The following EYA4 variants were observed in gnomAD, a reference collection of about 807,000 sequenced individuals.
The protein encoded by EYA4 is protein phosphatase EYA4.
Under a neutral mutation model 87.9 loss-of-function variants are expected in EYA4, and 31 were observed. The observed-to-expected ratio is 0.35, with a 90% CI of 0.27 to 0.48. The LOEUF is 0.48. EYA4 is among the 20% of genes least tolerant of loss of function. EYA4 has a pLI of 0.99. For missense variants in EYA4, 678 were observed against 761.4 expected (o/e 0.89, Z 1.29); for synonymous variants, 263 against 270.6 (o/e 0.97, Z 0.28).
chr6:133,386,916 G>A (rs930988578), intron 3 of EYA4, among the ~76,000 whole-genome samples: 4 of 152,190 alleles, frequency 2.6e-5, no homozygotes, highest in African/African-American at 9.7e-5. Flanking sequence ...TCTCCACTTC[G>A]TAAGTTAAAG....
chr6:133,246,266 A>T (rs75233597), intron 1 of EYA4, among the ~76,000 whole-genome samples: 1 of 152,160 alleles, frequency 6.6e-6, no homozygotes, highest in Non-Finnish European at 1.5e-5. Flanking sequence ...TGCATGGATG[A>T]TGAAGAAAGA....
chr6:133,275,064 T>C (rs868842737), intron 2 of EYA4, among the ~76,000 whole-genome samples: 2 of 152,148 alleles, frequency 1.3e-5, no homozygotes, highest in Non-Finnish European at 2.9e-5. Context: ...ACTAAGGCAT[T>C]GAAATCATGA....
rs140616062 is a variant in EYA4, at chr6:133,497,605, A to C, written c.1192-8501A>C. Reference sequence around the variant, plus strand: ...GCAAAACTCTAAAATAGGAGCTTGTAAATTCGACAGGATGTAGACCAGGAA... The same window carrying C: ...GCAAAACTCTAAAATAGGAGCTTGTCAATTCGACAGGATGTAGACCAGGAA... On this transcript the variant is annotated intron_variant, in intron 13 of 19. Coordinates refer to ENST00000355286, the MANE Select transcript of EYA4 (RefSeq NM_004100.5). Among the ~76,000 whole-genome samples the C allele has an allele frequency of 2.8e-3, 433 of 152,276 alleles. 11 individuals carry two copies. Among genetic ancestry groups the C allele is most frequent in the East Asian group, 6.4e-3 (33 of 5,170 alleles).
intron 2 of EYA4, among the ~76,000 whole-genome samples, chr6:133,298,695 T>C (rs773972274): frequency 1.3e-5 from 2 of 152,158 alleles, no homozygotes; most frequent in South Asian, 4.1e-4. Context: ...GAGAAATAAG[T>C]GTGTGGATTT....
intron 2 of EYA4, among the ~76,000 whole-genome samples, chr6:133,356,531 T>G (rs1784046218): frequency 6.6e-6 from 1 of 152,174 alleles, no homozygotes; most frequent in Non-Finnish European, 1.5e-5. Context: ...ACTATTGTTA[T>G]GAAAGTTATG....
chr6:133,319,142 A>T (rs187883587), intron 2 of EYA4, among the ~76,000 whole-genome samples: 11 of 152,252 alleles, frequency 7.2e-5, no homozygotes, highest in Admixed American at 5.2e-4. Context: ...CAGATTTTAG[A>T]CCTCATAAAA....
chr6:133,340,510 A>T (rs565593307), intron 2 of EYA4, among the ~76,000 whole-genome samples: 1 of 152,320 alleles, frequency 6.6e-6, no homozygotes, highest in South Asian at 2.1e-4. Context: ...AGGGTAGGTG[A>T]GCCCCATTGA....
chr6:133,303,534 G>C (rs1336260329), intron 2 of EYA4, among the ~76,000 whole-genome samples: 1 of 152,082 alleles, frequency 6.6e-6, no homozygotes, highest in African/African-American at 2.4e-5. Context: ...GACTGTGACT[G>C]GGCTCCTTTC....
chr6:133,412,912 G>A (rs1055255463), intron 3 of EYA4, among the ~76,000 whole-genome samples: 1 of 152,152 alleles, frequency 6.6e-6, no homozygotes, highest in Non-Finnish European at 1.5e-5. Context: ...GCAGCTGGAT[G>A]TGGTAAGGAC....
At chr6:133,366,628 A>T (rs9493611) in intron 2 of EYA4, among the ~76,000 whole-genome samples, 27,160 of 152,240 alleles carry the variant, frequency 0.18, 2,784 homozygotes, top group South Asian at 0.32. Flanking sequence ...AGCAAATGGC[A>T]AATGAAATGA....
At chr6:133,524,881 A>G (rs1488935715) in intron 18 of EYA4, 2 of 796,572 alleles carry the variant, frequency 2.5e-6, no homozygotes, top group African/African-American at 3.4e-5. Context: ...TTATTCAAAT[A>G]TATGTTGATT....
chr6:133,405,328 G>C (rs558906189), intron 3 of EYA4, among the ~76,000 whole-genome samples: 119 of 152,260 alleles, frequency 7.8e-4, no homozygotes, highest in Middle Eastern at 3.4e-3. Flanking sequence ...CTTTCCCCCA[G>C]TAAAAACCAG....
chr6:133,330,625 ATAAAT>A (rs1781869028), intron 2 of EYA4, among the ~76,000 whole-genome samples: 1 of 151,608 alleles, frequency 6.6e-6, no homozygotes, highest in East Asian at 1.9e-4. Context: ...AAGCATTAAA[ATAAAT>A]TAAGTAGAAT....
chr6:133,486,009 T>C (rs569407093), intron 13 of EYA4, among the ~76,000 whole-genome samples: 6 of 152,240 alleles, frequency 3.9e-5, no homozygotes, highest in African/African-American at 1.4e-4. Context: ...TCTGGCAAAT[T>C]ACTTAAATCT....
intron 2 of EYA4, among the ~76,000 whole-genome samples, chr6:133,323,753 A>G (rs1014563962): frequency 2.6e-5 from 4 of 152,188 alleles, no homozygotes; most frequent in African/African-American, 9.6e-5. Flanking sequence ...AACAGGTTTG[A>G]TATACTACTG....
rs529819215 is a variant in EYA4, at chr6:133,512,027, T to C, written c.1282-694T>C. Among the ~76,000 whole-genome samples, 62 of 152,076 alleles carry C rather than the reference T, an allele frequency of 4.1e-4. 2 individuals carry two copies. In the South Asian group the frequency reaches 0.012, roughly 30 times the overall value. On this transcript the variant is annotated intron_variant, in intron 14 of 19. Coordinates refer to ENST00000355286, the MANE Select transcript of EYA4 (RefSeq NM_004100.5). ...ATTGTGTGGGTATACTTACATAAAG[T>C]TTATTTTGCTTGGAATTTTGTAGCA... is the stretch of plus-strand genomic sequence containing the variant.
At chr6:133,527,348 G>A (rs1800720390) in intron 19 of EYA4, among the ~76,000 whole-genome samples, 1 of 152,178 alleles carries the variant, frequency 6.6e-6, no homozygotes, top group Non-Finnish European at 1.5e-5. Context: ...TTTTGTCTGA[G>A]AAATTTAAGA....
intron 3 of EYA4, among the ~76,000 whole-genome samples, chr6:133,433,419 C>T (rs1791361812): frequency 1.3e-5 from 2 of 152,218 alleles, no homozygotes; most frequent in South Asian, 4.1e-4. Context: ...TCCCGATGAA[C>T]TGATATAAAT....
intron 13 of EYA4, among the ~76,000 whole-genome samples, chr6:133,484,104 G>A (rs1796485725): frequency 1.3e-5 from 2 of 152,122 alleles, no homozygotes; most frequent in South Asian, 4.1e-4. Context: ...ATGCAACTCT[G>A]AAAGGCTTTT....
Sources: allele counts gnomAD v4.1 joint callset (sites outside exome capture counted in the v4.1 genomes callset), GRCh38; gene constraint gnomAD v4.1.1; transcripts MANE v1.5; gene names NCBI Gene and HGNC (gene_info 2026-07-23, HGNC 2026-07-21).